The following TOM1L2 variants were observed in gnomAD, a reference collection of about 807,000 sequenced individuals.
The protein encoded by TOM1L2 is target of myb1 like 2 membrane trafficking protein.
In TOM1L2, 31 loss-of-function variants were observed where a neutral mutation model predicts 67.9. The ratio of observed to expected loss-of-function variants is 0.46; its 90% CI spans 0.34 to 0.62. TOM1L2 has a LOEUF of 0.62. TOM1L2 is among the 20% of genes least tolerant of loss of function. The pLI, the probability that TOM1L2 is intolerant of heterozygous loss-of-function variation, is 0.01. For missense variants in TOM1L2, 606 were observed against 663.5 expected (o/e 0.91, Z 0.95); for synonymous variants, 256 against 254.0 (o/e 1.01, Z -0.07).
At chr17:17,863,502 G>A (rs2143742689) in intron 10 of TOM1L2, 1 of 152,152 alleles carries the variant, frequency 6.6e-6, no homozygotes, top group Admixed American at 6.5e-5. Context: ...AAAAATTTGT[G>A]GAGGAAGTGG....
intron 1 of TOM1L2, among the ~76,000 whole-genome samples, chr17:17,911,788 A>T (rs2144488462): frequency 6.7e-6 from 1 of 148,540 alleles, no homozygotes; most frequent in East Asian, 2.0e-4. Context: ...TTTCCTAGGC[A>T]GAGGACCCTG....
chr17:17,956,098 C>G (rs2041431673), intron 1 of TOM1L2, among the ~76,000 whole-genome samples: 1 of 152,154 alleles, frequency 6.6e-6, no homozygotes, highest in African/African-American at 2.4e-5. Context: ...ACAAAGCCTC[C>G]CCCGCACGAA....
chr17:17,916,151 GCA>G (rs1413331853), intron 1 of TOM1L2, among the ~76,000 whole-genome samples: 2 of 149,490 alleles, frequency 1.3e-5, no homozygotes, highest in African/African-American at 5.0e-5. Context: ...TCAGCTCACT[GCA>G]AGCTCTACCT....
intron 8 of TOM1L2, 89 bp downstream of exon 8, chr17:17,869,249 CCT>C (rs759709360): frequency 4.4e-6 from 7 of 1,579,800 alleles, no homozygotes; most frequent in African/African-American, 4.0e-5. Context: ...TCTCCCTCTC[CCT>C]CTCTTTCCTT....
chr17:17,932,370 T>C lies in TOM1L2; in HGVS notation c.53-24839A>G, dbSNP rs941236848. ...GTCTCAAACTCCTGGCCTCAAGCAA[T>C]CCTCCTGCCTTAGCCTTCCAAAGTG... On this transcript the variant is annotated intron_variant, in intron 1 of 14. Coordinates refer to ENST00000379504, the MANE Select transcript of TOM1L2 (RefSeq NM_001082968.2). Among the ~76,000 whole-genome samples, 3 of 152,170 alleles carry C rather than the reference T, an allele frequency of 2.0e-5. No homozygotes were observed. In the East Asian group the frequency reaches 5.8e-4, roughly 29 times the overall value.
chr17:17,947,674 C>A (rs894961912), intron 1 of TOM1L2, among the ~76,000 whole-genome samples: 1 of 152,122 alleles, frequency 6.6e-6, no homozygotes, highest in Non-Finnish European at 1.5e-5. Context: ...CCCTAGCAAA[C>A]GTCTCATTTA....
At chr17:17,891,777 A>C (rs996423588) in intron 4 of TOM1L2, among the ~76,000 whole-genome samples, 8 of 141,472 alleles carry the variant, frequency 5.7e-5, no homozygotes, top group African/African-American at 2.2e-4. Flanking sequence ...GGTAAAGTGC[A>C]TGCACACGTG....
intron 8 of TOM1L2, among the ~76,000 whole-genome samples, chr17:17,867,325 G>A (rs1359212706): frequency 1.3e-5 from 2 of 152,156 alleles, no homozygotes; most frequent in African/African-American, 4.8e-5. Context: ...TCCCAACTCA[G>A]CCTCTGGGGA....
chr17:17,955,191 A>T (rs1001125684), intron 1 of TOM1L2, among the ~76,000 whole-genome samples: 3 of 152,124 alleles, frequency 2.0e-5, no homozygotes, highest in Admixed American at 6.5e-5. Flanking sequence ...TCAACCTAGA[A>T]TCTGGAAATC....
intron 1 of TOM1L2, among the ~76,000 whole-genome samples, chr17:17,941,454 CA>C (rs907446910): frequency 6.6e-6 from 1 of 151,944 alleles, no homozygotes; most frequent in African/African-American, 2.4e-5. Context: ...GAAAACAAAA[CA>C]TATGTGAAAA....
chr17:17,946,415 T>C (rs2040954071), intron 1 of TOM1L2, among the ~76,000 whole-genome samples: 1 of 152,208 alleles, frequency 6.6e-6, no homozygotes, highest in Non-Finnish European at 1.5e-5. Context: ...GCCTTTTCTC[T>C]ATATAGATGT....
In TOM1L2 at chr17:17,907,550, A is replaced by T; in HGVS notation, c.53-19T>A. The T allele has an allele frequency of 3.1e-6, 5 of 1,612,078 alleles. No homozygotes were observed. Among genetic ancestry groups the T allele is most frequent in the Non-Finnish European group, 4.2e-6 (5 of 1,178,400 alleles). ...GCCTTTTCTGTGAAATCAGAGAGAA[A>T]ATGGGTTTACATTTCTCCTGGAATA... On this transcript the variant is annotated intron_variant, in intron 1 of 14. Coordinates refer to ENST00000379504, the MANE Select transcript of TOM1L2 (RefSeq NM_001082968.2).
At chr17:17,943,465 A>G (rs1452433217) in intron 1 of TOM1L2, among the ~76,000 whole-genome samples, 2 of 152,156 alleles carry the variant, frequency 1.3e-5, no homozygotes, top group African/African-American at 4.8e-5. Flanking sequence ...AGGTAACAAC[A>G]CTTGGGTATG....
intron 1 of TOM1L2, among the ~76,000 whole-genome samples, chr17:17,949,947 T>C (rs979821639): frequency 2.6e-5 from 4 of 152,218 alleles, no homozygotes; most frequent in African/African-American, 9.7e-5. Context: ...CTCAACTCAC[T>C]GCAAGCTCCG....
At chr17:17,928,666 T>C (rs749045062) in intron 1 of TOM1L2, among the ~76,000 whole-genome samples, 11 of 152,194 alleles carry the variant, frequency 7.2e-5, no homozygotes, top group Non-Finnish European at 1.6e-4. Context: ...CCAGCCCCTA[T>C]TGCTTGTCTA....
At chr17:17,950,138 G>T (rs905521436) in intron 1 of TOM1L2, among the ~76,000 whole-genome samples, 1 of 151,848 alleles carries the variant, frequency 6.6e-6, no homozygotes, top group African/African-American at 2.4e-5. Context: ...TGGGATTACA[G>T]GTGTGAGTCA....
At chr17:17,958,719 C>T (rs2041567980) in intron 1 of TOM1L2, among the ~76,000 whole-genome samples, 2 of 152,216 alleles carry the variant, frequency 1.3e-5, no homozygotes, top group Admixed American at 1.3e-4. Flanking sequence ...GTTCCTGGCA[C>T]ACCTCACCCA....
At chr17:17,956,570 G>A (rs189664582) in intron 1 of TOM1L2, among the ~76,000 whole-genome samples, 5 of 152,200 alleles carry the variant, frequency 3.3e-5, no homozygotes, top group Admixed American at 1.3e-4. Context: ...GGGGAGGTTC[G>A]GGCCGCATAG....
chr17:17,938,297 C>T (rs1398034347), intron 1 of TOM1L2, among the ~76,000 whole-genome samples: 6 of 152,184 alleles, frequency 3.9e-5, no homozygotes, highest in East Asian at 1.9e-4. Context: ...CCTGGCAGGA[C>T]GTTCTAGAAG....
Sources: gnomAD v4.1 joint callset for allele counts (sites outside exome capture counted in the v4.1 genomes callset) on GRCh38, gnomAD v4.1.1 for gene constraint, MANE v1.5 for transcripts, NCBI Gene and HGNC (gene_info 2026-07-23, HGNC 2026-07-21) for gene names.